Variants in SAMD14 observed in about 807,000 individuals in gnomAD.
SAMD14 encodes sterile alpha motif domain containing 14.
In SAMD14, 27 loss-of-function variants were observed where a neutral mutation model predicts 46.2. The ratio of observed to expected loss-of-function variants is 0.58; its 90% CI spans 0.43 to 0.81. SAMD14 has a LOEUF of 0.81. Among genes scored for constraint, SAMD14 ranks in the 30% least tolerant of loss-of-function variants. SAMD14 has a pLI of 0.00. For missense variants in SAMD14, 559 were observed against 582.2 expected, an observed-to-expected ratio of 0.96 and a Z score of 0.41; for synonymous variants, 241 against 254.3, an observed-to-expected ratio of 0.95 and a Z score of 0.50.
intron 2 of SAMD14, among the ~76,000 whole-genome samples, chr17:50,121,705 G>A (rs1911509671): frequency 1.3e-5 from 2 of 152,166 alleles, no homozygotes; most frequent in Non-Finnish European, 2.9e-5. Flanking sequence ...TAAAGTCCAT[G>A]CTATTCAGCT....
In SAMD14 at chr17:50,110,663, G is replaced by T. The variant is rs1910780892; in HGVS notation, c.*2230C>A. ...GGCTTGAAGGTCGGTGGCGGAGGGG[G>T]TGGCTCTCACAGGGCCCAACTCTAA... On this transcript the variant is annotated 3_prime_UTR_variant, in exon 10 of 10. Transcript: ENST00000330175. The T allele has an allele frequency of 6.6e-6, 1 of 152,240 alleles. No individual in the cohort carries two copies. The highest frequency in any genetic ancestry group is 2.4e-5 in the African/African-American group (1 of 41,436). 9.4% of individuals were successfully genotyped at this position (152,240 alleles called of 1,614,324 possible).
chr17:50,125,558 C>T (rs1306082158), intron 1 of SAMD14, among the ~76,000 whole-genome samples: 1 of 152,152 alleles, frequency 6.6e-6, no homozygotes, highest in Non-Finnish European at 1.5e-5. Context: ...ATTCACTCAC[C>T]CATCTATCCA....
Position 50,114,297 on chromosome 17 carries a change from G to A in SAMD14, c.832C>T (p.Leu278=), listed in dbSNP as rs372807156. Residue 278 remains leucine (L), a synonymous_variant, in exon 8 of 10, where the codon CTG becomes TTG. Transcript: ENST00000330175. ...PKKSASQEST[L]SDDSTPPSSS... is the part of the protein sequence containing the mutation. ...CTGGGGGGCGTGGAGTCATCACTCA[G>A]AGTGGATTCCTAGACAGAAAAAGGT... The A allele has an allele frequency of 3.3e-5, 54 of 1,614,006 alleles. No homozygotes were observed. Among genetic ancestry groups the A allele is most frequent in the Non-Finnish European group, 4.6e-5 (54 of 1,180,026 alleles).
rs1333872575 is a variant in SAMD14, at chr17:50,112,787, C to G, written c.*106G>C. The G allele has an allele frequency of 7.4e-7, 1 of 1,343,812 alleles. No homozygotes were observed. Among genetic ancestry groups the G allele is most frequent in the Non-Finnish European group, 1.0e-6 (1 of 990,656 alleles). The allele number at this position is 1,343,812 out of a possible 1,614,324, so 83.2% of individuals were successfully genotyped here. ...GCATGTCCCCCCTGAGAGCGTGGGACCAGGCTAGCCCAAGTGCAGCGCCCA... is the reference window on the plus strand; with the variant it reads ...GCATGTCCCCCCTGAGAGCGTGGGAGCAGGCTAGCCCAAGTGCAGCGCCCA... On this transcript the variant is annotated 3_prime_UTR_variant, in exon 10 of 10. Transcript: ENST00000330175.
Position 50,115,345 on chromosome 17 carries a change from T to C in SAMD14, c.822+219A>G, listed in dbSNP as rs766054425. Among the ~76,000 whole-genome samples the C allele has an allele frequency of 4.6e-5, 7 of 152,210 alleles. No homozygotes were observed. Among genetic ancestry groups the C allele is most frequent in the Non-Finnish European group, 1.0e-4 (7 of 68,032 alleles). ...AGTGATTTGTTGAATGCATGAAGCA[T>C]TGACTGAATCAAGGAATGAACTACT... On this transcript the variant is annotated intron_variant, in intron 7 of 9. Coordinates refer to ENST00000330175, the MANE Select transcript of SAMD14 (RefSeq NM_001257359.2). The surrounding 1 kb of genome is among the most constrained non-coding windows in gnomAD (Gnocchi z 5.3).
In SAMD14 at chr17:50,115,499, G is replaced by T; in HGVS notation, c.822+65C>A. 1 of 1,482,364 alleles carries T rather than the reference G, an allele frequency of 6.7e-7. No homozygotes were observed. Among genetic ancestry groups the T allele is most frequent in the South Asian group, 1.4e-5 (1 of 72,004 alleles). The allele number at this position is 1,482,364 out of a possible 1,614,324, so 91.8% of individuals were successfully genotyped here. Reference sequence around the variant, plus strand: ...TCTGAATCCCAGCCTGAGCCAAGGTGAAGTACGCCCTCATGTCACCTGAGA... The same window carrying T: ...TCTGAATCCCAGCCTGAGCCAAGGTTAAGTACGCCCTCATGTCACCTGAGA... On this transcript the variant is annotated intron_variant, in intron 7 of 9. Transcript: ENST00000330175. This position sits in a 1 kb window ranked among gnomAD's most constrained non-coding sequence, Gnocchi z 5.3.
In SAMD14 at chr17:50,117,712, C is replaced by A; in HGVS notation, c.211-17G>T. ...ATCGGTCACCTGGACGAGGGGGCAGCCGCTCACCGAGAACCCTCCTCCTCC... is the reference window on the plus strand; with the variant it reads ...ATCGGTCACCTGGACGAGGGGGCAGACGCTCACCGAGAACCCTCCTCCTCC... On this transcript the variant is annotated splice_polypyrimidine_tract_variant and intron_variant, in intron 3 of 9. Coordinates refer to ENST00000330175, the MANE Select transcript of SAMD14 (RefSeq NM_001257359.2). 1.4e-6 allele frequency: 2 copies of A among 1,422,822 alleles called. No homozygotes were observed. The highest frequency in any genetic ancestry group is 1.8e-6 in the Non-Finnish European group (2 of 1,093,722). The allele number at this position is 1,422,822 out of a possible 1,614,324, so 88.1% of individuals were successfully genotyped here. A position where few individuals can be genotyped will look rare whatever the true frequency, so the allele number is the denominator to read the frequency against.
In SAMD14 at chr17:50,117,474, G is replaced by C. The variant is rs746232188; in HGVS notation, c.432C>G (p.Ser144=). The part of the protein sequence containing the change: ...LAAASCSPPR[S]APSSDSSPSF... The stretch of plus-strand genomic sequence containing the variant: ...TGGGGGAGCTGTCGGAGGAGGGCGC[G>C]GAGCGCGGCGGAGAGCAGGAGGCGG... Residue 144 remains serine (S), a synonymous_variant, in exon 4 of 10, where the codon TCC becomes TCG. Coordinates refer to ENST00000330175, the MANE Select transcript of SAMD14 (RefSeq NM_001257359.2). The C allele has an allele frequency of 1.5e-4, 205 of 1,402,010 alleles. No homozygotes were observed. The highest frequency in any genetic ancestry group is 1.8e-4 in the Non-Finnish European group (199 of 1,086,100). The allele number at this position is 1,402,010 out of a possible 1,614,324, so 86.8% of individuals were successfully genotyped here. A position where few individuals can be genotyped will look rare whatever the true frequency, so the allele number is the denominator to read the frequency against.
intron 2 of SAMD14, among the ~76,000 whole-genome samples, chr17:50,120,274 CTATACA>C (rs1355395527): frequency 1.3e-5 from 2 of 151,904 alleles, no homozygotes; most frequent in African/African-American, 4.8e-5. Flanking sequence ...ACACATACTC[CTATACA>C]TGCGTACATA....
chr17:50,126,195 A>T (rs925272483), intron 1 of SAMD14, among the ~76,000 whole-genome samples: 1 of 152,130 alleles, frequency 6.6e-6, no homozygotes, highest in African/African-American at 2.4e-5. Flanking sequence ...TAGATCATAC[A>T]TGTGTCAGAT....
In SAMD14 at chr17:50,112,777, G is replaced by T; in HGVS notation, c.*116C>A. ...GTAAGAGAGAGCATGTCCCCCCTGA[G>T]AGCGTGGGACCAGGCTAGCCCAAGT... On this transcript the variant is annotated 3_prime_UTR_variant, in exon 10 of 10. Transcript: ENST00000330175. The T allele has an allele frequency of 8.2e-7, 1 of 1,221,724 alleles. No homozygotes were observed. The highest frequency in any genetic ancestry group is 1.1e-6 in the Non-Finnish European group (1 of 885,122). 75.7% of individuals were successfully genotyped at this position (1,221,724 alleles called of 1,614,324 possible).
At chr17:50,114,489 T>G (rs756500802) in intron 7 of SAMD14, 183 bp from the exon 8 acceptor site, 14 of 1,566,188 alleles carry the variant, frequency 8.9e-6, no homozygotes, top group Non-Finnish European at 1.2e-5. Flanking sequence ...ACCTGAAGCC[T>G]TTGGGAGAGC....
chr17:50,114,658 C>G, intron 7 of SAMD14: 1 of 517,102 alleles, frequency 1.9e-6, no homozygotes, highest in Non-Finnish European at 3.4e-6. Context: ...CCTTAGTACC[C>G]CAGCTAATAA....
chr17:50,122,837 G>A (rs1450570691), intron 2 of SAMD14, among the ~76,000 whole-genome samples: 5 of 152,084 alleles, frequency 3.3e-5, no homozygotes, highest in Admixed American at 1.3e-4. Flanking sequence ...CAGCGAGGGG[G>A]CCAGCACAGC....
At chr17:50,121,227 A>C (rs781213948) in intron 2 of SAMD14, among the ~76,000 whole-genome samples, 1 of 145,578 alleles carries the variant, frequency 6.9e-6, no homozygotes, top group Non-Finnish European at 1.5e-5. Context: ...ACCCCAAAAC[A>C]TGCAACTATC....
At chr17:50,120,007 C>G (rs1911424649) in intron 2 of SAMD14, among the ~76,000 whole-genome samples, 1 of 152,132 alleles carries the variant, frequency 6.6e-6, no homozygotes, top group African/African-American at 2.4e-5. Flanking sequence ...GCTCTACTTT[C>G]AAAAAATAGC....
At chr17:50,117,381 G>A in intron 4 of SAMD14, 26 bp downstream of exon 4, 1 of 1,283,664 alleles carries the variant, frequency 7.8e-7, no homozygotes, top group Non-Finnish European at 9.8e-7. Context: ...CGACCAGCAG[G>A]AGGTGCGGCG....
intron 7 of SAMD14, 145 bp from the exon 8 acceptor site, chr17:50,114,451 G>C: frequency 1.9e-6 from 3 of 1,610,956 alleles, no homozygotes; most frequent in Non-Finnish European, 2.5e-6. Flanking sequence ...CTGCACACAG[G>C]ACATGATAAC....
chr17:50,128,637 A>G (rs1388385292), intron 1 of SAMD14, among the ~76,000 whole-genome samples: 1 of 152,180 alleles, frequency 6.6e-6, no homozygotes, highest in Non-Finnish European at 1.5e-5. Context: ...TCTGGGAGAA[A>G]GGGAGGCAGG....
Sources: gnomAD v4.1 joint callset for allele counts (sites outside exome capture counted in the v4.1 genomes callset) on GRCh38, gnomAD v4.1.1 for gene constraint, Gnocchi (gnomAD v3.1) non-coding constraint, MANE v1.5 for transcripts, NCBI Gene and HGNC (gene_info 2026-07-23, HGNC 2026-07-21) for gene names.